Variants in CHMP7 observed in about 807,000 individuals in gnomAD.
The protein encoded by CHMP7 is charged multivesicular body protein 7.
A neutral mutation model predicts 53.7 loss-of-function variants in CHMP7; 15 were observed. That is an observed-to-expected ratio of 0.28 (90% CI 0.19 to 0.43). The LOEUF (loss-of-function observed/expected upper bound fraction) is 0.43. Among genes scored for constraint, CHMP7 ranks in the 20% least tolerant of loss-of-function variants. The pLI, the probability that CHMP7 is intolerant of heterozygous loss-of-function variation, is 1.00. For missense variants in CHMP7, 527 were observed against 569.4 expected (o/e 0.93, Z 0.76); for synonymous variants, 261 against 228.0 (o/e 1.14, Z -1.30).
intron 4 of CHMP7, 30 bp from the exon 5 acceptor site, chr8:23,256,430 C>T (rs1310793583): frequency 1.3e-6 from 2 of 1,555,216 alleles, no homozygotes; most frequent in African/African-American, 1.4e-5. Flanking sequence ...TTTGTGGTAG[C>T]AGCAGTAGTA....
intron 4 of CHMP7, 136 bp downstream of exon 4, chr8:23,255,568 G>A: frequency 1.4e-6 from 1 of 730,454 alleles, no homozygotes; most frequent in African/African-American, 1.8e-5. Context: ...AATAATAAGT[G>A]GAAAATTCCA....
chr8:23,250,275 C>G (rs1192892787), intron 3 of CHMP7, among the ~76,000 whole-genome samples: 2 of 152,146 alleles, frequency 1.3e-5, no homozygotes, highest in Admixed American at 6.5e-5. Context: ...CCAAGCCTGA[C>G]CTCCTCAGAG....
chr8:23,244,001 C>CT (rs35651662), intron 1 of CHMP7, among the ~76,000 whole-genome samples, 157 bp downstream of exon 1: 51,206 of 148,904 alleles, frequency 0.34, 9,465 homozygotes, highest in South Asian at 0.49. Flanking sequence ...TATTCTTTTT[C>CT]TTTTTTTTTT....
chr8:23,246,246 C>G lies in CHMP7; in HGVS notation c.-440-10C>G, dbSNP rs1274513620. ...TGTGCATTCATTGATATAAATTTCC[C>G]TCTATACAGAGATTCACGGATCCAT... On this transcript the variant is annotated splice_polypyrimidine_tract_variant and intron_variant, in intron 1 of 10. Coordinates refer to ENST00000397677, the MANE Select transcript of CHMP7 (RefSeq NM_152272.5). The G allele has an allele frequency of 1.2e-5, 2 of 160,948 alleles. No homozygotes were observed. The highest frequency in any genetic ancestry group is 2.7e-5 in the Non-Finnish European group (2 of 73,472). The allele number at this position is 160,948 out of a possible 1,614,324, so 10.0% of individuals were successfully genotyped here.
intron 3 of CHMP7, 106 bp from the exon 4 acceptor site, chr8:23,255,141 C>G (rs1199584539): frequency 1.0e-5 from 12 of 1,145,638 alleles, no homozygotes; most frequent in Non-Finnish European, 1.5e-5. Flanking sequence ...GGTTGGGATT[C>G]CCGGGTGCTT....
intron 3 of CHMP7, among the ~76,000 whole-genome samples, chr8:23,250,955 C>T (rs532452817): frequency 6.6e-6 from 1 of 152,352 alleles, no homozygotes; most frequent in East Asian, 1.9e-4. Context: ...GGCAGCCCCT[C>T]TGCTCCATCT....
At position 23,246,897 on chromosome 8, in the gene CHMP7, G is replaced by C. The variant is rs778708248; in HGVS notation, c.202G>C (p.Gly68Arg). Reference protein sequence around the residue: ...PLVLSHSRRQGVVRLRLRDLQ... With the variant: ...PLVLSHSRRQRVVRLRLRDLQ... ...GGTGCTGAGCCACAGCCGCCGCCAG[G>C]GGGTGGTGCGCCTGCGTCTGCGGGA... The change falls in exon 2 of 11, where the codon GGG (glycine) becomes CGG (arginine). Residue 68 changes from glycine (G) to arginine (R), a missense_variant. By Grantham distance (125) the Gly-to-Arg change is moderately radical (BLOSUM62 -2). Transcript: ENST00000397677. 9.5e-6 allele frequency: 15 copies of C among 1,582,728 alleles called. No homozygotes were observed. Among genetic ancestry groups the C allele is most frequent in the South Asian group, 2.3e-5 (2 of 87,002 alleles).
At chr8:23,253,413 A>C (rs11778560) in intron 3 of CHMP7, among the ~76,000 whole-genome samples, 6 of 152,146 alleles carry the variant, frequency 3.9e-5, no homozygotes, top group Non-Finnish European at 7.4e-5. Context: ...CCTCTCAAGT[A>C]GCTGGGATCA....
rs1006597626 is a variant in CHMP7 at position 23,258,046 on chromosome 8, G to A, written c.805G>A (p.Ala269Thr). The A allele has an allele frequency of 2.5e-6, 4 of 1,613,060 alleles. No individual in the cohort carries two copies. The African/African-American group carries it at 5.3e-5, about 22-fold the overall frequency. The change falls in exon 6 of 11, where the codon GCC (alanine) becomes ACC (threonine). Residue 269 changes from alanine to threonine, a missense_variant. Coordinates refer to ENST00000397677, the MANE Select transcript of CHMP7 (RefSeq NM_152272.5). The stretch of plus-strand genomic sequence containing the variant: ...CTTTGTTTCCAGGTGTAAAGAAGAA[G>A]CCCGCCGGGCATGCCGAGCAGGAAA... ...SQEAERCKEE[A>T]RRACRAGKKQ...
chr8:23,256,641 C>T, intron 5 of CHMP7, 48 bp downstream of exon 5: 1 of 1,563,450 alleles, frequency 6.4e-7, no homozygotes, highest in Non-Finnish European at 8.7e-7. Flanking sequence ...TTGCTGGCCC[C>T]CAGAGCCAGC....
In CHMP7 at chr8:23,261,948, C is replaced by CT. The variant is rs1376151146; in HGVS notation, c.*1350dup. ...TGTTGGGGGTGAAGAGAAACAATCA[C>CT]TATTTTTTTCTTTTTTATCTGGTAA... On this transcript the variant is annotated 3_prime_UTR_variant, in exon 11 of 11. Coordinates refer to ENST00000397677, the MANE Select transcript of CHMP7 (RefSeq NM_152272.5). The CT allele has an allele frequency of 6.6e-6, 1 of 152,508 alleles. No homozygotes were observed. Among genetic ancestry groups the CT allele is most frequent in the African/African-American group, 2.4e-5 (1 of 41,454 alleles). The allele number at this position is 152,508 out of a possible 1,614,324, so 9.4% of individuals were successfully genotyped here.
At chr8:23,258,597 C>T in intron 7 of CHMP7, 135 bp from the exon 8 acceptor site, 1 of 1,248,414 alleles carries the variant, frequency 8.0e-7, no homozygotes, top group South Asian at 1.3e-5. Context: ...GAGGTTTGGC[C>T]TCGGTGGGTA....
intron 3 of CHMP7, among the ~76,000 whole-genome samples, chr8:23,250,034 A>G (rs1250125062): frequency 6.6e-6 from 1 of 152,182 alleles, no homozygotes; most frequent in South Asian, 2.1e-4. Flanking sequence ...GATCAGCCAC[A>G]TGGGGTTTAC....
At chr8:23,255,556 A>G (rs975514227) in intron 4 of CHMP7, 124 bp downstream of exon 4, 1 of 783,940 alleles carries the variant, frequency 1.3e-6, no homozygotes, top group Non-Finnish European at 2.1e-6. Context: ...CCACGGTCCA[A>G]AAATAATAAG....
chr8:23,250,183 C>T (rs964089815), intron 3 of CHMP7, among the ~76,000 whole-genome samples: 4 of 150,306 alleles, frequency 2.7e-5, no homozygotes, highest in African/African-American at 7.6e-5. Flanking sequence ...CATCCTGTGT[C>T]CTCTTTGCTC....
intron 1 of CHMP7, among the ~76,000 whole-genome samples, chr8:23,244,326 G>GT (rs903319288): frequency 3.6e-4 from 55 of 152,266 alleles, no homozygotes; most frequent in African/African-American, 1.3e-3. Context: ...TGTGAATGGT[G>GT]TAAGATCTGT....
chr8:23,255,324 C>T lies in CHMP7; in HGVS notation c.549C>T (p.Leu183=). 2 of 1,614,222 alleles carry T rather than the reference C, an allele frequency of 1.2e-6. No individual in the cohort carries two copies. Among genetic ancestry groups the T allele is most frequent in the Non-Finnish European group, 1.7e-6 (2 of 1,180,042 alleles). The part of the protein sequence containing the change: ...SSHPVVALSE[L]STLCANSCPD... Reference sequence around the variant, plus strand: ...ACCCCGTGGTGGCCCTGTCAGAGCTCAGCACCCTCTGTGCTAACTCCTGCC... The same window carrying T: ...ACCCCGTGGTGGCCCTGTCAGAGCTTAGCACCCTCTGTGCTAACTCCTGCC... The change falls in exon 4 of 11, where the codon CTC becomes CTT. Residue 183 remains leucine, a synonymous_variant. Transcript: ENST00000397677.
At position 23,246,651 on chromosome 8, in the gene CHMP7, C is replaced by G. The variant is rs1801697127; in HGVS notation, c.-45C>G. ...GGAGGGAACGAGGGCGGAAGCGGAC[C>G]AGGGCCAGGCTTGTGTTCGCAGCCT... On this transcript the variant is annotated 5_prime_UTR_variant, in exon 2 of 11. Transcript: ENST00000397677. 8 of 1,510,256 alleles carry G rather than the reference C, an allele frequency of 5.3e-6. No individual in the cohort carries two copies. The highest frequency in any genetic ancestry group is 2.8e-5 in the African/African-American group (2 of 72,002). 93.6% of individuals were successfully genotyped at this position (1,510,256 alleles called of 1,614,324 possible). A position where few individuals can be genotyped will look rare whatever the true frequency, so the allele number is the denominator to read the frequency against.
chr8:23,249,141 G>A (rs1326831255), intron 2 of CHMP7, 69 bp from the exon 3 acceptor site: 1 of 1,324,478 alleles, frequency 7.6e-7, no homozygotes, highest in Non-Finnish European at 1.0e-6. Context: ...AGGGTAAAGG[G>A]GGAGCTAGAG....
Sources: allele counts gnomAD v4.1 joint callset (sites outside exome capture counted in the v4.1 genomes callset), GRCh38; gene constraint gnomAD v4.1.1; transcripts MANE v1.5; gene names NCBI Gene and HGNC (gene_info 2026-07-23, HGNC 2026-07-21).